CMIP: variants seen among roughly 807,000 people sequenced by gnomAD.
CMIP encodes c-Maf inducing protein.
Under a neutral mutation model 97.3 loss-of-function variants are expected in CMIP, and 13 were observed. The observed-to-expected ratio is 0.13, with a 90% confidence interval of 0.09 to 0.21. CMIP has a LOEUF of 0.21. Ranked by LOEUF, CMIP falls within the 10% of genes least tolerant of loss-of-function variation. The pLI is 1.00. For missense variants in CMIP, 847 were observed against 1,024.9 expected, an observed-to-expected ratio of 0.83 and a Z score of 2.37; for synonymous variants, 538 against 436.3, an observed-to-expected ratio of 1.23 and a Z score of -2.91.
Position 81,657,755 on chromosome 16 carries a change from G to C in CMIP, c.640-20G>C. ...TCTTTTGTTTTGTTTTCCTCCTGCT[G>C]TCTCCATTCAATCCTTTAGAACACA... On this transcript the variant is annotated intron_variant, in intron 4 of 20. Coordinates refer to ENST00000537098, the MANE Select transcript of CMIP (RefSeq NM_198390.3). 1 of 1,589,350 alleles carries C rather than the reference G, an allele frequency of 6.3e-7. No individual in the cohort carries two copies. The highest frequency in any genetic ancestry group is 8.6e-7 in the Non-Finnish European group (1 of 1,168,200).
intron 17 of CMIP, 26 bp from the exon 18 acceptor site, chr16:81,703,913 C>T (rs1472147596): frequency 1.3e-6 from 2 of 1,581,760 alleles, no homozygotes; most frequent in East Asian, 4.6e-5. Context: ...GCAGCACCCT[C>T]AGGCCTCTCC....
intron 7 of CMIP, among the ~76,000 whole-genome samples, chr16:81,669,851 C>G (rs978429281): frequency 2.0e-5 from 3 of 152,240 alleles, no homozygotes; most frequent in African/African-American, 7.2e-5. Flanking sequence ...GCTCTCTTTT[C>G]TCTTTCTCGT....
chr16:81,474,893 C>G (rs1907802113), intron 1 of CMIP, among the ~76,000 whole-genome samples: 1 of 152,214 alleles, frequency 6.6e-6, no homozygotes, highest in Non-Finnish European at 1.5e-5. Flanking sequence ...CAGTGCTTGT[C>G]TTTGCAGAAC....
chr16:81,476,275 T>G (rs1233407049), intron 1 of CMIP: 2 of 1,553,934 alleles, frequency 1.3e-6, no homozygotes, highest in Admixed American at 1.7e-5. Context: ...ATCTTCAAAT[T>G]TCTCCCCATA....
chr16:81,478,185 A>G (rs2150753809), intron 1 of CMIP, among the ~76,000 whole-genome samples: 1 of 151,952 alleles, frequency 6.6e-6, no homozygotes, highest in Non-Finnish European at 1.5e-5. Flanking sequence ...CTGGTCAGGG[A>G]GACACATTGC....
rs1223965800 is a variant in CMIP, at chr16:81,710,953, T to C, written c.*1154T>C. On this transcript the variant is annotated 3_prime_UTR_variant, in exon 21 of 21. Transcript: ENST00000537098. ...TCACGTGGCCCCATGCATGCCCGCC[T>C]CTCTGCATGGTCTCTTGGGAAAAGA... 1 of 151,888 alleles carries C rather than the reference T, an allele frequency of 6.6e-6. No homozygotes were observed. Among genetic ancestry groups the C allele is most frequent in the Non-Finnish European group, 1.5e-5 (1 of 68,038 alleles). 9.4% of individuals were successfully genotyped at this position (151,888 alleles called of 1,614,324 possible).
At chr16:81,592,458 G>A (rs993386227) in intron 1 of CMIP, among the ~76,000 whole-genome samples, 8 of 152,142 alleles carry the variant, frequency 5.3e-5, no homozygotes, top group Non-Finnish European at 8.8e-5. Context: ...AGCCCTCCCC[G>A]TGTTCCAGGG....
At chr16:81,520,627 G>C (rs1597499968) in intron 1 of CMIP, 2 of 149,876 alleles carry the variant, frequency 1.3e-5, no homozygotes, top group Admixed American at 6.7e-5. Context: ...GAAAAAGAAA[G>C]AAAATCAAGA....
intron 14 of CMIP, chr16:81,697,991 G>GCCCCCCCC (rs747163023): frequency 4.0e-4 from 55 of 138,126 alleles, no homozygotes; most frequent in African/African-American, 5.2e-4. Context: ...GCTCAGCTGC[G>GCCCCCCCC]CCCCCCCGCC....
chr16:81,659,639 C>G (rs1298644888), intron 5 of CMIP, among the ~76,000 whole-genome samples: 2 of 152,176 alleles, frequency 1.3e-5, no homozygotes, highest in Non-Finnish European at 2.9e-5. Context: ...ACCTGTGGGT[C>G]CCACTGAGTG....
intron 1 of CMIP, among the ~76,000 whole-genome samples, chr16:81,563,171 A>G (rs1597565978): frequency 6.6e-6 from 1 of 152,220 alleles, no homozygotes; most frequent in African/African-American, 2.4e-5. Context: ...AGTTCTTGAA[A>G]AGGTGTCTAC....
chr16:81,531,540 G>T (rs138275648), intron 1 of CMIP, among the ~76,000 whole-genome samples: 2 of 152,168 alleles, frequency 1.3e-5, no homozygotes, highest in African/African-American at 2.4e-5. Flanking sequence ...GTCTCTACCC[G>T]CATGGTTAGT....
At chr16:81,674,148 C>A (rs901874365) in intron 9 of CMIP, among the ~76,000 whole-genome samples, 6 of 152,290 alleles carry the variant, frequency 3.9e-5, no homozygotes, top group South Asian at 2.1e-4. Flanking sequence ...CACCTTGAAT[C>A]ACTTCCCTGA....
At chr16:81,589,686 C>T (rs987870511) in intron 1 of CMIP, among the ~76,000 whole-genome samples, 14 of 152,134 alleles carry the variant, frequency 9.2e-5, no homozygotes, top group African/African-American at 2.4e-4. Context: ...ATCGATTCAG[C>T]GCAATGTAGT....
chr16:81,633,696 C>T (rs1194561035), intron 3 of CMIP, among the ~76,000 whole-genome samples: 2 of 152,252 alleles, frequency 1.3e-5, no homozygotes, highest in Non-Finnish European at 2.9e-5. Flanking sequence ...TGAGGCCACT[C>T]CTAATGGAGC....
intron 1 of CMIP, among the ~76,000 whole-genome samples, chr16:81,472,510 C>T (rs919965582): frequency 6.6e-6 from 1 of 152,218 alleles, no homozygotes; most frequent in East Asian, 1.9e-4. Context: ...CAGCCACTCA[C>T]TTGACACCGT....
intron 1 of CMIP, among the ~76,000 whole-genome samples, chr16:81,510,909 G>A (rs908456386): frequency 2.0e-5 from 3 of 152,076 alleles, no homozygotes; most frequent in African/African-American, 7.2e-5. Context: ...TAGTAGAGAT[G>A]GGGTTTCACC....
intron 2 of CMIP, among the ~76,000 whole-genome samples, chr16:81,615,417 T>TGC (rs2091901541): frequency 6.9e-6 from 1 of 144,520 alleles, no homozygotes; most frequent in African/African-American, 2.6e-5. Context: ...TGTGTGTGTG[T>TGC]GTGCGTGGTG....
chr16:81,464,152 A>T (rs146025322), intron 1 of CMIP: 1 of 152,376 alleles, frequency 6.6e-6, no homozygotes, highest in Non-Finnish European at 1.5e-5. Flanking sequence ...TAGAGACAGT[A>T]GCTTTGTCAT....
Sources: gnomAD v4.1 joint callset for allele counts (sites outside exome capture counted in the v4.1 genomes callset) on GRCh38, gnomAD v4.1.1 for gene constraint, MANE v1.5 for transcripts, NCBI Gene and HGNC (gene_info 2026-07-23, HGNC 2026-07-21) for gene names.